Variants in NT5DC1 observed in about 807,000 individuals in gnomAD.
NT5DC1 encodes the protein 5'-nucleotidase domain containing 1.
NT5DC1 carries 42 observed loss-of-function variants against 59.4 expected under a neutral mutation model. The ratio of observed to expected loss-of-function variants is 0.71; its 90% CI spans 0.55 to 0.92. NT5DC1 has a LOEUF of 0.92. Among genes scored for constraint, NT5DC1 ranks in the 40% least tolerant of loss-of-function variants. NT5DC1 has a pLI of 0.00. For synonymous variants in NT5DC1, 172 were observed against 188.1 expected (o/e 0.91, Z 0.70); for missense variants, 501 against 537.1 (o/e 0.93, Z 0.66).
At position 116,178,088 on chromosome 6, in the gene NT5DC1, T is replaced by C. The variant is rs199768240; in HGVS notation, c.530-42966T>C. On this transcript the variant is annotated intron_variant, in intron 6 of 11. Transcript: ENST00000319550. ...GTGTGTGTGTGTGTGTGTGTGTGTG[T>C]GCGCGCGCGCGCGCGTGCGTGCGTG... Among the ~76,000 whole-genome samples the C allele has an allele frequency of 7.7e-3, 764 of 99,642 alleles. 6 individuals are homozygous for C. The highest frequency in any genetic ancestry group is 0.021 in the African/African-American group (453 of 21,478). The allele number at this position is 99,642 out of a possible 152,430, so 65.4% of individuals were successfully genotyped here.
chr6:116,122,000 A>T (rs1412628685), intron 6 of NT5DC1: 2 of 1,546,674 alleles, frequency 1.3e-6, no homozygotes, highest in East Asian at 4.5e-5. Context: ...ATAGAAGGGG[A>T]TGGTTAGTGA....
intron 6 of NT5DC1, among the ~76,000 whole-genome samples, chr6:116,167,444 C>T (rs1780496315): frequency 6.6e-6 from 1 of 152,010 alleles, no homozygotes; most frequent in South Asian, 2.1e-4. Context: ...AATCTCCTGG[C>T]CTTGTGATCC....
chr6:116,215,640 C>T (rs529530968), intron 6 of NT5DC1, among the ~76,000 whole-genome samples: 4 of 152,246 alleles, frequency 2.6e-5, no homozygotes, highest in South Asian at 2.1e-4. Context: ...TCCACATTTA[C>T]GTTGTCTGTC....
rs371049347 is a variant in NT5DC1, at chr6:116,107,540, T to TTTTTATTTTATTTTATTTTA, written c.186-794_186-775dup. On this transcript the variant is annotated intron_variant, in intron 2 of 11. Transcript: ENST00000319550. ...ATTTGACTTTCTTTTAGTGGTTTTCTTTTTATTTTATTTTATTTTATTTTA... is the reference window on the plus strand; with the variant it reads ...ATTTGACTTTCTTTTAGTGGTTTTCTTTTTATTTTATTTTATTTTATTTTATTTTATTTTATTTTATTTTA... Among the ~76,000 whole-genome samples, 723 of 132,680 alleles carry TTTTTATTTTATTTTATTTTA rather than the reference T, an allele frequency of 5.4e-3. 10 individuals are homozygous for TTTTTATTTTATTTTATTTTA. Among genetic ancestry groups the TTTTTATTTTATTTTATTTTA allele is most frequent in the African/African-American group, 0.019 (685 of 35,194 alleles). 87.0% of individuals were successfully genotyped at this position (132,680 alleles called of 152,430 possible). A position where few individuals can be genotyped will look rare whatever the true frequency, so the allele number is the denominator to read the frequency against.
chr6:116,211,789 T>C (rs1781584318), intron 6 of NT5DC1, among the ~76,000 whole-genome samples: 1 of 152,100 alleles, frequency 6.6e-6, no homozygotes, highest in Admixed American at 6.6e-5. Flanking sequence ...GTTTGCTTTG[T>C]TGTACTGTGC....
chr6:116,224,859 G>T (rs111727465), intron 8 of NT5DC1, among the ~76,000 whole-genome samples: 14 of 152,286 alleles, frequency 9.2e-5, no homozygotes, highest in African/African-American at 3.4e-4. Context: ...GGAATGGTTT[G>T]AGTGTGGGGA....
At chr6:116,191,360 T>C (rs1781113766) in intron 6 of NT5DC1, among the ~76,000 whole-genome samples, 1 of 151,922 alleles carries the variant, frequency 6.6e-6, no homozygotes, top group African/African-American at 2.4e-5. Context: ...GAAACCCTAC[T>C]GTACTTACTG....
chr6:116,149,860 T>C (rs966225634), intron 6 of NT5DC1, among the ~76,000 whole-genome samples: 1 of 152,236 alleles, frequency 6.6e-6, no homozygotes, highest in Non-Finnish European at 1.5e-5. Flanking sequence ...ATAAGGAATT[T>C]GATTTGCACA....
chr6:116,168,387 A>G (rs12196141), intron 6 of NT5DC1, among the ~76,000 whole-genome samples: 28,873 of 151,796 alleles, frequency 0.19, 3,367 homozygotes, highest in Middle Eastern at 0.33. Flanking sequence ...AAACCTATCC[A>G]TTGAGCTTTT....
intron 6 of NT5DC1, among the ~76,000 whole-genome samples, chr6:116,203,058 T>G (rs1458048250): frequency 1.3e-5 from 2 of 152,008 alleles, no homozygotes; most frequent in African/African-American, 4.8e-5. Flanking sequence ...GATTATGATA[T>G]TAAACATTTT....
At chr6:116,167,222 T>TC (rs1780489879) in intron 6 of NT5DC1, among the ~76,000 whole-genome samples, 1 of 147,662 alleles carries the variant, frequency 6.8e-6, no homozygotes, top group African/African-American at 2.5e-5. Flanking sequence ...TTTTTTTTTT[T>TC]TTTTTTTTTG....
chr6:116,226,595 G>A (rs143533812), intron 8 of NT5DC1, among the ~76,000 whole-genome samples: 89 of 151,984 alleles, frequency 5.9e-4, no homozygotes, highest in African/African-American at 2.0e-3. Flanking sequence ...TAGTTGTATA[G>A]TACAATTGGA....
chr6:116,163,234 T>G (rs75197576), intron 6 of NT5DC1, among the ~76,000 whole-genome samples: 6 of 147,722 alleles, frequency 4.1e-5, no homozygotes, highest in African/African-American at 9.9e-5. Flanking sequence ...TGGTCCTGGG[T>G]TTTTTTTTGT....
intron 6 of NT5DC1, among the ~76,000 whole-genome samples, chr6:116,170,565 C>T (rs1021147789): frequency 6.6e-6 from 1 of 152,092 alleles, no homozygotes; most frequent in Non-Finnish European, 1.5e-5. Flanking sequence ...ATCAGTGCAC[C>T]TTAGCTGTTG....
intron 6 of NT5DC1, among the ~76,000 whole-genome samples, chr6:116,124,258 C>T (rs894796180): frequency 6.6e-6 from 1 of 151,848 alleles, no homozygotes; most frequent in Admixed American, 6.5e-5. Context: ...AACAAATATC[C>T]TTAGCTTTAT....
intron 6 of NT5DC1, among the ~76,000 whole-genome samples, chr6:116,173,892 A>C (rs1282605800): frequency 6.6e-6 from 1 of 152,160 alleles, no homozygotes; most frequent in Non-Finnish European, 1.5e-5. Context: ...TTTTATACTA[A>C]TGTCCTTTTC....
chr6:116,131,896 G>A (rs1186136732), intron 6 of NT5DC1, among the ~76,000 whole-genome samples: 2 of 151,982 alleles, frequency 1.3e-5, no homozygotes, highest in Non-Finnish European at 2.9e-5. Context: ...TTATCATTTA[G>A]CTCCTACTTA....
At chr6:116,145,662 T>G (rs1370264064) in intron 6 of NT5DC1, among the ~76,000 whole-genome samples, 1 of 152,212 alleles carries the variant, frequency 6.6e-6, no homozygotes, top group Non-Finnish European at 1.5e-5. Flanking sequence ...CTTTAAAGTA[T>G]CCCCAGTGAT....
At position 116,121,049 on chromosome 6, in the gene NT5DC1, C is replaced by T. The variant is rs1364999561; in HGVS notation, c.529+3104C>T. 5.0e-6 allele frequency: 8 copies of T among 1,614,084 alleles called. No homozygotes were observed. The highest frequency in any genetic ancestry group is 1.6e-4 in the Middle Eastern group (1 of 6,062). Reference sequence around the variant, plus strand: ...TGTCTCACCTTTAGGGCCTGGGAGACCATGGCTACCCGGGATGCCTTTTGG... The same window carrying T: ...TGTCTCACCTTTAGGGCCTGGGAGATCATGGCTACCCGGGATGCCTTTTGG... On this transcript the variant is annotated intron_variant, in intron 6 of 11. Transcript: ENST00000319550.
Sources: gnomAD v4.1 joint callset for allele counts (sites outside exome capture counted in the v4.1 genomes callset) on GRCh38, gnomAD v4.1.1 for gene constraint, MANE v1.5 for transcripts, NCBI Gene and HGNC (gene_info 2026-07-23, HGNC 2026-07-21) for gene names.